Variants in CNTNAP5 observed in about 807,000 individuals in gnomAD.
CNTNAP5 encodes contactin-associated protein-like 5.
Under a neutral mutation model 150.2 loss-of-function variants are expected in CNTNAP5, and 72 were observed. That is an observed-to-expected ratio of 0.48 (90% CI 0.40 to 0.58). The LOEUF (loss-of-function observed/expected upper bound fraction) is 0.58, where lower values mean the gene tolerates loss of function less well. Ranked by LOEUF, CNTNAP5 falls within the 20% of genes least tolerant of loss-of-function variation. CNTNAP5 has a pLI of 0.00. For missense variants in CNTNAP5, 1,636 were observed against 1,626.2 expected (o/e 1.01, Z -0.10); for synonymous variants, 672 against 619.8 (o/e 1.08, Z -1.25).
intron 3 of CNTNAP5, among the ~76,000 whole-genome samples, chr2:124,263,843 A>T (rs1306374289): frequency 6.6e-6 from 1 of 152,130 alleles, no homozygotes; most frequent in African/African-American, 2.4e-5. Context: ...TAAGGAAGGG[A>T]TCCAGTTTCA....
chr2:124,544,654 G>A (rs1259802420), intron 10 of CNTNAP5, among the ~76,000 whole-genome samples: 1 of 152,166 alleles, frequency 6.6e-6, no homozygotes, highest in African/African-American at 2.4e-5. Context: ...CTCAAAATGT[G>A]TGATACATTT....
At chr2:124,836,346 G>A (rs1159242123) in intron 19 of CNTNAP5, among the ~76,000 whole-genome samples, 12 of 152,106 alleles carry the variant, frequency 7.9e-5, no homozygotes, top group Admixed American at 7.2e-4. Context: ...ATATCATAAT[G>A]TCATCTAAAA....
intron 3 of CNTNAP5, among the ~76,000 whole-genome samples, chr2:124,263,494 G>C (rs1687518674): frequency 6.6e-6 from 1 of 152,008 alleles, no homozygotes; most frequent in Admixed American, 6.6e-5. Flanking sequence ...TTTTTGATGG[G>C]ATTGTTTTTT....
intron 13 of CNTNAP5, among the ~76,000 whole-genome samples, chr2:124,658,222 A>G (rs1678499583): frequency 6.6e-6 from 1 of 152,194 alleles, no homozygotes; most frequent in African/African-American, 2.4e-5. Flanking sequence ...GCAACTTCAC[A>G]GAGCAAGAGG....
intron 10 of CNTNAP5, among the ~76,000 whole-genome samples, chr2:124,535,242 G>A (rs1312995244): frequency 6.6e-6 from 1 of 152,146 alleles, no homozygotes; most frequent in Non-Finnish European, 1.5e-5. Context: ...AGGAAATGGA[G>A]GCCACACAGA....
intron 3 of CNTNAP5, among the ~76,000 whole-genome samples, chr2:124,276,334 C>T (rs957072396): frequency 1.6e-4 from 25 of 152,052 alleles, no homozygotes; most frequent in African/African-American, 5.6e-4. Flanking sequence ...AACAAAATAC[C>T]TTAATAGGCA....
intron 3 of CNTNAP5, among the ~76,000 whole-genome samples, chr2:124,277,445 A>G (rs17666152): frequency 0.076 from 11,533 of 152,204 alleles, 601 homozygotes; most frequent in Non-Finnish European, 0.12. Flanking sequence ...CAAAATGGAT[A>G]TGATATACAG....
chr2:124,505,795 C>G (rs1048490585), intron 8 of CNTNAP5, among the ~76,000 whole-genome samples: 1 of 152,122 alleles, frequency 6.6e-6, no homozygotes, highest in African/African-American at 2.4e-5. Flanking sequence ...ATCTCACATG[C>G]CAAGGATTGG....
At chr2:124,661,064 A>T (rs1025401976) in intron 13 of CNTNAP5, among the ~76,000 whole-genome samples, 1 of 151,654 alleles carries the variant, frequency 6.6e-6, no homozygotes, top group Non-Finnish European at 1.5e-5. Context: ...AGAGGGAATG[A>T]TGTGTGAATG....
At chr2:124,299,059 G>C (rs962643878) in intron 3 of CNTNAP5, among the ~76,000 whole-genome samples, 3 of 152,078 alleles carry the variant, frequency 2.0e-5, no homozygotes, top group Non-Finnish European at 4.4e-5. Context: ...GAATTTATTG[G>C]ACAAAAAGGA....
At chr2:124,158,545 A>G (rs1025051748) in intron 1 of CNTNAP5, among the ~76,000 whole-genome samples, 1 of 152,048 alleles carries the variant, frequency 6.6e-6, no homozygotes, top group African/African-American at 2.4e-5. Context: ...TTCCCCAAAT[A>G]TTTTCAATTT....
rs1257078936 is a variant in CNTNAP5 at position 124,707,036 on chromosome 2, AAGAAGGAGG to A, written c.2078-40190_2078-40182del. ...GGAGGAGGAGAAGAAGAAGAAGAAG[AAGAAGGAGG>A]AGGAGGAGGAGGAGGAGAGGAAGAG... is the stretch of plus-strand genomic sequence containing the variant. On this transcript the variant is annotated intron_variant, in intron 13 of 23. Transcript: ENST00000682447. Among the ~76,000 whole-genome samples, 30 of 99,598 alleles carry A rather than the reference AAGAAGGAGG, an allele frequency of 3.0e-4. 2 individuals carry two copies. The South Asian group carries it at 8.4e-3, about 28-fold the overall frequency. 65.3% of individuals were successfully genotyped at this position (99,598 alleles called of 152,430 possible).
chr2:124,872,200 T>C (rs1677762907), intron 21 of CNTNAP5, among the ~76,000 whole-genome samples: 1 of 152,088 alleles, frequency 6.6e-6, no homozygotes, highest in South Asian at 2.1e-4. Context: ...TTAATAAAGA[T>C]AATTTGTTGT....
intron 1 of CNTNAP5, among the ~76,000 whole-genome samples, chr2:124,074,215 G>A (rs959216239): frequency 6.6e-6 from 1 of 152,038 alleles, no homozygotes; most frequent in Non-Finnish European, 1.5e-5. Flanking sequence ...ATAGTGGAAG[G>A]CATGTGCTGG....
At chr2:124,552,213 A>T (rs1318978043) in intron 10 of CNTNAP5, among the ~76,000 whole-genome samples, 1 of 152,158 alleles carries the variant, frequency 6.6e-6, no homozygotes. Flanking sequence ...TGATGAGGGA[A>T]GTAGAGGGCA....
intron 13 of CNTNAP5, among the ~76,000 whole-genome samples, chr2:124,713,308 C>CTCTT (rs766582298): frequency 7.0e-5 from 4 of 57,384 alleles, no homozygotes; most frequent in African/African-American, 2.2e-4. Flanking sequence ...TTTCTTCTTT[C>CTCTT]TCTTTCTTTC....
intron 7 of CNTNAP5, among the ~76,000 whole-genome samples, chr2:124,494,193 G>C (rs1694097954): frequency 6.6e-6 from 1 of 151,962 alleles, no homozygotes. Flanking sequence ...GAGACACTGG[G>C]ATGTTTATAG....
intron 17 of CNTNAP5, among the ~76,000 whole-genome samples, chr2:124,789,576 A>G (rs1558776570): frequency 6.6e-6 from 1 of 152,068 alleles, no homozygotes. Context: ...CTCAAGTAGG[A>G]CCCAGTGTCT....
chr2:124,067,970 G>C (rs1056515537), intron 1 of CNTNAP5, among the ~76,000 whole-genome samples: 1 of 152,128 alleles, frequency 6.6e-6, no homozygotes, highest in Non-Finnish European at 1.5e-5. Flanking sequence ...TCATATTGGA[G>C]AAGGAGGAAT....
Sources: allele counts gnomAD v4.1 joint callset (sites outside exome capture counted in the v4.1 genomes callset), GRCh38; gene constraint gnomAD v4.1.1; transcripts MANE v1.5; gene names NCBI Gene and HGNC (gene_info 2026-07-23, HGNC 2026-07-21).